Variants in STPG2 observed in about 807,000 individuals in gnomAD.
The protein encoded by STPG2 is sperm tail PG-rich repeat containing 2.
In STPG2, 56 loss-of-function variants were observed where a neutral mutation model predicts 54.2. The observed-to-expected ratio is 1.03, with a 90% CI of 0.83 to 1.29. STPG2 has a LOEUF of 1.29. Among genes scored for constraint, STPG2 ranks in the 50% most tolerant of loss-of-function variants. The pLI is 0.00. For synonymous variants in STPG2, 200 were observed against 181.8 expected (o/e 1.10, Z -0.81); for missense variants, 596 against 544.9 (o/e 1.09, Z -0.93).
At chr4:98,044,479 C>T (rs1737065475) in intron 5 of STPG2, among the ~76,000 whole-genome samples, 1 of 152,176 alleles carries the variant, frequency 6.6e-6, no homozygotes, top group Non-Finnish European at 1.5e-5. Context: ...CCTTTCTGCA[C>T]TTACCTTTCT....
chr4:97,868,257 T>A (rs1251269988), intron 8 of STPG2, among the ~76,000 whole-genome samples: 2 of 151,954 alleles, frequency 1.3e-5, no homozygotes, highest in Non-Finnish European at 2.9e-5. Flanking sequence ...TACTGTACCA[T>A]CTGAATCAAA....
intron 9 of STPG2, among the ~76,000 whole-genome samples, chr4:97,797,091 A>C (rs892906384): frequency 6.6e-5 from 10 of 152,314 alleles, no homozygotes; most frequent in African/African-American, 2.4e-4. Flanking sequence ...TTTTGAGCTG[A>C]GACAATGGGG....
intron 10 of STPG2, among the ~76,000 whole-genome samples, chr4:97,616,036 C>CA (rs58107338): frequency 0.73 from 50,507 of 69,196 alleles, 18,645 homozygotes; most frequent in Middle Eastern, 0.85. Context: ...GACTCTGTCT[C>CA]AAAAAAAAAA....
chr4:97,735,199 C>T (rs1220816972), intron 9 of STPG2, among the ~76,000 whole-genome samples: 1 of 151,394 alleles, frequency 6.6e-6, no homozygotes, highest in Non-Finnish European at 1.5e-5. Context: ...CTTCTATATA[C>T]ATATATGCAG....
chr4:97,792,377 T>C (rs1727029640), intron 9 of STPG2, among the ~76,000 whole-genome samples: 1 of 152,108 alleles, frequency 6.6e-6, no homozygotes, highest in Non-Finnish European at 1.5e-5. Flanking sequence ...TTCTCCCTTT[T>C]CTCAGTCTAA....
chr4:98,039,735 C>A (rs1736891164), intron 5 of STPG2, among the ~76,000 whole-genome samples: 1 of 124,728 alleles, frequency 8.0e-6, no homozygotes, highest in African/African-American at 3.1e-5. Context: ...CACTGATGGA[C>A]ACTTAGGTTG....
At chr4:98,018,279 G>A (rs1736037116) in intron 5 of STPG2, among the ~76,000 whole-genome samples, 1 of 150,516 alleles carries the variant, frequency 6.6e-6, no homozygotes, top group African/African-American at 2.5e-5. Context: ...TTGGTTTTTT[G>A]TCCTTGTGAT....
chr4:97,627,157 T>G (rs1734156251), intron 10 of STPG2, among the ~76,000 whole-genome samples: 1 of 152,118 alleles, frequency 6.6e-6, no homozygotes, highest in South Asian at 2.1e-4. Flanking sequence ...TCTCTTCCAA[T>G]CTTTATTAAG....
intron 10 of STPG2, among the ~76,000 whole-genome samples, chr4:97,603,144 A>C (rs1266664255): frequency 2.0e-5 from 3 of 151,818 alleles, no homozygotes; most frequent in African/African-American, 4.8e-5. Context: ...CAATTTAAAA[A>C]ACAGGCAAAA....
chr4:97,805,837 TA>T (rs79439800), intron 9 of STPG2, among the ~76,000 whole-genome samples: 2,840 of 129,706 alleles, frequency 0.022, 53 homozygotes, highest in African/African-American at 0.061. Context: ...TATTAAAAAG[TA>T]AAAAAAAAAA....
At chr4:97,890,637 T>C (rs1176122563) in intron 8 of STPG2, among the ~76,000 whole-genome samples, 1 of 151,898 alleles carries the variant, frequency 6.6e-6, no homozygotes, top group African/African-American at 2.4e-5. Context: ...TAAGGAATTA[T>C]AGTTAATAAT....
At chr4:97,982,390 A>ACG (rs1734711886) in intron 5 of STPG2, among the ~76,000 whole-genome samples, 1 of 151,152 alleles carries the variant, frequency 6.6e-6, no homozygotes, top group Admixed American at 6.6e-5. Flanking sequence ...ACACACACAC[A>ACG]CACACACACA....
chr4:97,999,961 G>A (rs557366362), intron 5 of STPG2, among the ~76,000 whole-genome samples: 78 of 152,252 alleles, frequency 5.1e-4, no homozygotes, highest in South Asian at 8.3e-4. Context: ...AGAAAAAAGT[G>A]AAAACGGCTA....
chr4:97,884,506 G>C (rs1489633460), intron 8 of STPG2, among the ~76,000 whole-genome samples: 1 of 152,150 alleles, frequency 6.6e-6, no homozygotes, highest in East Asian at 1.9e-4. Context: ...TGAAAGCCAA[G>C]AAGAGAGGTC....
At chr4:98,042,429 G>A (rs750310915) in intron 5 of STPG2, among the ~76,000 whole-genome samples, 18 of 151,580 alleles carry the variant, frequency 1.2e-4, no homozygotes, top group Non-Finnish European at 2.7e-4. Flanking sequence ...TTACTAATTT[G>A]TGGTGTTTCT....
chr4:97,673,571 C>T (rs1722757299), intron 10 of STPG2, among the ~76,000 whole-genome samples: 1 of 152,148 alleles, frequency 6.6e-6, no homozygotes, highest in Non-Finnish European at 1.5e-5. Context: ...CAGAATCTCC[C>T]CTTCTTTCAA....
intron 4 of STPG2, among the ~76,000 whole-genome samples, chr4:97,533,367 T>C (rs1287994902): frequency 1.3e-5 from 2 of 152,156 alleles, no homozygotes; most frequent in Admixed American, 6.5e-5. Flanking sequence ...GGAATGAATT[T>C]TTTTAAAATT....
chr4:97,945,955 A>G (rs760862157), intron 7 of STPG2, among the ~76,000 whole-genome samples: 1 of 152,006 alleles, frequency 6.6e-6, no homozygotes, highest in Non-Finnish European at 1.5e-5. Flanking sequence ...GCTATTGGAG[A>G]GGCTGAGGTA....
chr4:97,835,696 C>G (rs1468265505), intron 9 of STPG2, among the ~76,000 whole-genome samples: 3 of 152,058 alleles, frequency 2.0e-5, no homozygotes, highest in Non-Finnish European at 4.4e-5. Context: ...CCTCTGGGAT[C>G]TGGGCAAAGT....
Sources: allele counts gnomAD v4.1 joint callset (sites outside exome capture counted in the v4.1 genomes callset), GRCh38; gene constraint gnomAD v4.1.1; transcripts MANE v1.5; gene names NCBI Gene and HGNC (gene_info 2026-07-23, HGNC 2026-07-21).